The following PATJ variants were observed in gnomAD, a reference collection of about 807,000 sequenced individuals.
PATJ encodes inaD-like protein.
A neutral mutation model predicts 224.9 loss-of-function variants in PATJ; 190 were observed. The observed-to-expected ratio is 0.84, with a 90% confidence interval of 0.75 to 0.95. PATJ has a LOEUF of 0.95. PATJ is among the 40% of genes least tolerant of loss of function. PATJ has a pLI of 0.00. For synonymous variants in PATJ, 769 were observed against 820.3 expected, an observed-to-expected ratio of 0.94 and a Z score of 1.07; for missense variants, 2,121 against 2,270.3, an observed-to-expected ratio of 0.93 and a Z score of 1.34.
rs1185895224 is a variant in PATJ, at chr1:61,864,239, G to T, written c.2441G>T (p.Gly814Val). The T allele has an allele frequency of 1.2e-6, 2 of 1,604,202 alleles. No individual in the cohort carries two copies. Among genetic ancestry groups the T allele is most frequent in the Non-Finnish European group, 1.7e-6 (2 of 1,175,496 alleles). ...TTTTTTTGCATCTTTTATTTATAGG[G>T]ATTTAGAGATGAACCATATTTTAAA... Reference protein sequence around the residue: ...NSSLILEAPKGFRDEPYFKEE... With the variant: ...NSSLILEAPKVFRDEPYFKEE... Residue 814 changes from glycine (G) to valine (V), a missense_variant and splice_region_variant, in exon 20 of 44, where the codon GGA becomes GTA. By Grantham distance (109) the Gly-to-Val change is moderately radical (BLOSUM62 -3). Transcript: ENST00000642238.
chr1:61,938,395 G>GAAACA (rs926647398), intron 27 of PATJ, among the ~76,000 whole-genome samples: 5 of 151,848 alleles, frequency 3.3e-5, no homozygotes, highest in South Asian at 2.1e-4. Flanking sequence ...AAAAAAACAA[G>GAAACA]AAACAAAACA....
intron 4 of PATJ, among the ~76,000 whole-genome samples, chr1:61,767,995 G>A (rs1196551650): frequency 6.6e-6 from 1 of 151,802 alleles, no homozygotes; most frequent in African/African-American, 2.4e-5. Context: ...CATCTGACTA[G>A]TAATTATTTT....
chr1:61,777,724 T>TTTTTTTTTTTTTTTTTTTTTTTTTTTTTC (rs765662896), intron 7 of PATJ, among the ~76,000 whole-genome samples: 36 of 106,038 alleles, frequency 3.4e-4, no homozygotes, highest in African/African-American at 1.1e-3. Context: ...TTTTTTTTTT[T>TTTTTTTTTTTTTTTTTTTTTTTTTTTTTC]TTTAGCATAG....
At chr1:62,123,351 G>A (rs1665313950) in intron 39 of PATJ, among the ~76,000 whole-genome samples, 1 of 150,132 alleles carries the variant, frequency 6.7e-6, no homozygotes, top group South Asian at 2.1e-4. Flanking sequence ...TACATGTAAA[G>A]TTTTATAAAA....
At chr1:62,111,162 G>A (rs1262520974) in intron 34 of PATJ, among the ~76,000 whole-genome samples, 2 of 152,174 alleles carry the variant, frequency 1.3e-5, no homozygotes, top group Non-Finnish European at 2.9e-5. Context: ...ATATTTGTTA[G>A]GGCCTTTCGA....
At chr1:61,874,831 T>A (rs1218493733) in intron 20 of PATJ, among the ~76,000 whole-genome samples, 2 of 152,226 alleles carry the variant, frequency 1.3e-5, no homozygotes, top group Non-Finnish European at 2.9e-5. Flanking sequence ...CGCTTATAGA[T>A]ATGAAAATTT....
chr1:61,991,637 A>G (rs947335391), intron 28 of PATJ: 21 of 985,330 alleles, frequency 2.1e-5, no homozygotes, highest in Non-Finnish European at 2.5e-5. Flanking sequence ...TGTTTCTGCA[A>G]AGAAGTCACT....
chr1:61,817,530 G>A (rs1656369856), intron 14 of PATJ, among the ~76,000 whole-genome samples: 1 of 152,106 alleles, frequency 6.6e-6, no homozygotes. Flanking sequence ...TGGGCATGGT[G>A]GTGTGCACCT....
At chr1:62,040,694 G>A (rs1191936571) in intron 30 of PATJ, among the ~76,000 whole-genome samples, 1 of 96,008 alleles carries the variant, frequency 1.0e-5, no homozygotes, top group African/African-American at 3.3e-5. Flanking sequence ...TATGAGACAA[G>A]AGGGAGAGAA....
chr1:62,021,318 G>A (rs1435327842), intron 29 of PATJ, among the ~76,000 whole-genome samples: 1 of 152,056 alleles, frequency 6.6e-6, no homozygotes, highest in African/African-American at 2.4e-5. Context: ...CTCTCATGAC[G>A]TAAACACCTT....
intron 26 of PATJ, among the ~76,000 whole-genome samples, chr1:61,923,198 T>G (rs1314972167): frequency 6.6e-6 from 1 of 152,224 alleles, no homozygotes; most frequent in East Asian, 1.9e-4. Context: ...TATCAGAATC[T>G]ACATCTTCAT....
At chr1:61,964,351 G>A (rs1681760057) in intron 27 of PATJ, among the ~76,000 whole-genome samples, 1 of 151,832 alleles carries the variant, frequency 6.6e-6, no homozygotes, top group Admixed American at 6.6e-5. Flanking sequence ...CAAAGTGCTG[G>A]GATTAGAGGC....
At chr1:62,153,746 A>T (rs1668863035) in intron 43 of PATJ, among the ~76,000 whole-genome samples, 1 of 152,180 alleles carries the variant, frequency 6.6e-6, no homozygotes, top group Admixed American at 6.6e-5. Context: ...TCTTTCAGCA[A>T]CACAGCATAA....
In PATJ at chr1:62,161,239, T is replaced by C; in HGVS notation, c.*185T>C. 1 of 426,544 alleles carries C rather than the reference T, an allele frequency of 2.3e-6. No individual in the cohort carries two copies. The highest frequency in any genetic ancestry group is 4.0e-6 in the Non-Finnish European group (1 of 248,570). 26.4% of individuals were successfully genotyped at this position (426,544 alleles called of 1,614,324 possible). A position where few individuals can be genotyped will look rare whatever the true frequency, so the allele number is the denominator to read the frequency against. On this transcript the variant is annotated 3_prime_UTR_variant, in exon 44 of 44. Coordinates refer to ENST00000642238, the MANE Select transcript of PATJ (RefSeq NM_001350145.3). Reference sequence around the variant, plus strand: ...TCCCAAATCAACAATCATCTCCTAATGTTTCCCAGTTCCTGTCACCTGTTG... The same window carrying C: ...TCCCAAATCAACAATCATCTCCTAACGTTTCCCAGTTCCTGTCACCTGTTG...
chr1:61,786,750 G>A (rs1206306777), intron 7 of PATJ, among the ~76,000 whole-genome samples: 3 of 152,088 alleles, frequency 2.0e-5, no homozygotes, highest in African/African-American at 7.2e-5. Context: ...CCAGCACTTT[G>A]AGAGGCTGAG....
chr1:62,021,580 G>T (rs1189707094), intron 29 of PATJ, among the ~76,000 whole-genome samples: 1 of 152,054 alleles, frequency 6.6e-6, no homozygotes, highest in African/African-American at 2.4e-5. Flanking sequence ...TTGTTATTTT[G>T]TGGATTAAAA....
intron 39 of PATJ, among the ~76,000 whole-genome samples, chr1:62,123,602 C>T (rs1158023530): frequency 2.0e-5 from 3 of 150,574 alleles, no homozygotes; most frequent in South Asian, 2.1e-4. Context: ...CTCAGCATCC[C>T]GAGTACCTGG....
chr1:61,970,664 A>T (rs1023257408), intron 27 of PATJ, among the ~76,000 whole-genome samples: 29 of 151,950 alleles, frequency 1.9e-4, no homozygotes, highest in African/African-American at 6.5e-4. Context: ...GCTAATTTTT[A>T]AAAATTTTTT....
At position 61,762,912 on chromosome 1, in the gene PATJ, C is replaced by G; in HGVS notation, c.20C>G (p.Thr7Arg). The stretch of plus-strand genomic sequence containing the variant: ...TTCAAAATGCCTGAAAATCCTGCTA[C>G]AGGTATACTGGATATATTGTTCTAT... MPENPA[T>R]DKLQVLQVLD... The change falls in exon 2 of 44, where the codon ACA becomes AGA. Residue 7 changes from threonine to arginine, a missense_variant and splice_region_variant. Thr to Arg is a moderately conservative substitution (Grantham distance 71). Transcript: ENST00000642238. The G allele has an allele frequency of 1.3e-6, 2 of 1,546,472 alleles. No individual in the cohort carries two copies. The highest frequency in any genetic ancestry group is 1.8e-6 in the Non-Finnish European group (2 of 1,132,640).
Sources: allele counts gnomAD v4.1 joint callset (sites outside exome capture counted in the v4.1 genomes callset), GRCh38; gene constraint gnomAD v4.1.1; transcripts MANE v1.5; gene names NCBI Gene and HGNC (gene_info 2026-07-23, HGNC 2026-07-21).